The following CCDC39 variants were observed in gnomAD, a reference collection of about 807,000 sequenced individuals.
CCDC39 encodes coiled-coil domain-containing protein 39.
Under a neutral mutation model 121.0 loss-of-function variants are expected in CCDC39, and 113 were observed. The observed-to-expected ratio is 0.93, with a 90% confidence interval of 0.80 to 1.09. The LOEUF (loss-of-function observed/expected upper bound fraction) is 1.09. CCDC39 is among the 50% of genes least tolerant of loss of function. CCDC39 has a pLI of 0.00. For synonymous variants in CCDC39, 349 were observed against 352.2 expected (o/e 0.99, Z 0.10); for missense variants, 1,063 against 1,074.7 (o/e 0.99, Z 0.15).
intron 14 of CCDC39, among the ~76,000 whole-genome samples, chr3:180,621,179 C>T (rs548963042): frequency 5.3e-5 from 8 of 152,124 alleles, no homozygotes; most frequent in Non-Finnish European, 4.4e-5. Flanking sequence ...ATGGACACTT[C>T]GGTTGAATCC....
chr3:180,625,467 T>C (rs544627993), intron 14 of CCDC39, among the ~76,000 whole-genome samples: 9 of 152,184 alleles, frequency 5.9e-5, no homozygotes, highest in African/African-American at 2.2e-4. Flanking sequence ...CTTCTATCAA[T>C]ATTTTGAATT....
chr3:180,620,044 G>A (rs904974192), intron 14 of CCDC39, 74 bp from the exon 15 acceptor site: 1 of 1,192,088 alleles, frequency 8.4e-7, no homozygotes, highest in Admixed American at 2.6e-5. Context: ...GCTGTCTTTG[G>A]AGCAGAAAAT....
intron 9 of CCDC39, among the ~76,000 whole-genome samples, chr3:180,649,653 A>G (rs991042059): frequency 5.9e-5 from 9 of 152,154 alleles, no homozygotes; most frequent in African/African-American, 1.7e-4. Flanking sequence ...GGATTTTTTC[A>G]AACAAACAAA....
chr3:180,679,191 G>A lies in CCDC39; in HGVS notation c.90+100C>T, dbSNP rs548086341. 2,406 of 880,192 alleles carry A rather than the reference G, an allele frequency of 2.7e-3. 11 individuals are homozygous for A. Among genetic ancestry groups the A allele is most frequent in the Middle Eastern group, 0.014 (55 of 3,992 alleles). 54.5% of individuals were successfully genotyped at this position (880,192 alleles called of 1,614,324 possible). ...GAGTGTTAGAGGAAGCACAGGATTAGGAAAGGAGAGAAATAAAAGGGCTGG... is the reference window on the plus strand; with the variant it reads ...GAGTGTTAGAGGAAGCACAGGATTAAGAAAGGAGAGAAATAAAAGGGCTGG... On this transcript the variant is annotated intron_variant, in intron 1 of 19. Transcript: ENST00000476379. The surrounding 1 kb of genome is among the most constrained non-coding windows in gnomAD (Gnocchi z 4.0).
At chr3:180,636,846 A>G (rs1717841065) in intron 13 of CCDC39, among the ~76,000 whole-genome samples, 1 of 152,184 alleles carries the variant, frequency 6.6e-6, no homozygotes, top group Non-Finnish European at 1.5e-5. Flanking sequence ...TCGCTATTCA[A>G]TACATGGTGC....
At chr3:180,677,164 AATTTTAT>A (rs1560097167) in intron 1 of CCDC39, among the ~76,000 whole-genome samples, 2 of 86,474 alleles carry the variant, frequency 2.3e-5, no homozygotes, top group African/African-American at 1.1e-4. Flanking sequence ...TAATAATAAT[AATTTTAT>A]ATATATATAT....
chr3:180,676,257 C>T (rs1449701091), intron 1 of CCDC39, among the ~76,000 whole-genome samples: 3 of 152,106 alleles, frequency 2.0e-5, no homozygotes, highest in Non-Finnish European at 4.4e-5. Context: ...TGACAAAGGG[C>T]TAATATCCAG....
intron 13 of CCDC39, among the ~76,000 whole-genome samples, chr3:180,639,213 AAAAAT>A (rs1332573037): frequency 6.6e-6 from 1 of 152,188 alleles, no homozygotes; most frequent in Non-Finnish European, 1.5e-5. Flanking sequence ...AAGTGATTAG[AAAAAT>A]AAAAGAATTA....
chr3:180,618,221 T>A (rs192541317), intron 16 of CCDC39, among the ~76,000 whole-genome samples: 6 of 152,304 alleles, frequency 3.9e-5, no homozygotes, highest in Admixed American at 3.3e-4. Flanking sequence ...TTCCCATTGT[T>A]ATCCAATGCA....
rs1711720433 is a variant in CCDC39 at position 180,660,650 on chromosome 3, A to G, written c.436T>C (p.Trp146Arg). ...TCTTTATGAGCTGATTCTTCTAACC[A>G]GGCCTCCAATGCTTGCTGGTCCCAG... ...MNWDQQALEA[W>R]LEESAHKDSD... Residue 146 changes from tryptophan (W) to arginine (R), a missense_variant, in exon 4 of 20, where the codon TGG becomes CGG. Trp to Arg is a moderately radical substitution (Grantham distance 101). Transcript: ENST00000476379. 6.2e-7 allele frequency: 1 copy of G among 1,603,396 alleles called. No individual in the cohort carries two copies. Among genetic ancestry groups the G allele is most frequent in the Non-Finnish European group, 8.5e-7 (1 of 1,174,164 alleles).
Position 180,657,496 on chromosome 3 carries a change from T to A in CCDC39, c.738+1956A>T, listed in dbSNP as rs116957997. 6.5e-4 allele frequency among the ~76,000 whole-genome samples: 99 copies of A among 152,312 alleles called. 1 individual carries two copies. In the East Asian group the frequency reaches 0.019, roughly 29 times the overall value. ...ATGACTTGAGAAAAGAATTTTTATC[T>A]GAGAATTTTACATTATCAAGCCCAG... is the stretch of plus-strand genomic sequence containing the variant. On this transcript the variant is annotated intron_variant, in intron 6 of 19. Coordinates refer to ENST00000476379, the MANE Select transcript of CCDC39 (RefSeq NM_181426.2).
chr3:180,670,487 G>A (rs1482098291), intron 1 of CCDC39, among the ~76,000 whole-genome samples: 1 of 152,070 alleles, frequency 6.6e-6, no homozygotes, highest in Non-Finnish European at 1.5e-5. Flanking sequence ...AAAAGATTTG[G>A]TTAAACCAAT....
intron 1 of CCDC39, among the ~76,000 whole-genome samples, chr3:180,670,218 T>TA (rs200104420): frequency 8.7e-5 from 13 of 149,688 alleles, no homozygotes; most frequent in Middle Eastern, 3.4e-3. Context: ...CACTGCCTTG[T>TA]AAAAAAAAAA....
chr3:180,630,331 A>T (rs1297694729), intron 14 of CCDC39, among the ~76,000 whole-genome samples: 1 of 152,180 alleles, frequency 6.6e-6, no homozygotes, highest in South Asian at 2.1e-4. Flanking sequence ...CTGACAAGTT[A>T]TAAGAAAGTT....
chr3:180,622,955 CCCT>C lies in CCDC39; in HGVS notation c.1999-2988_1999-2986del, dbSNP rs547214247. 9.3e-4 allele frequency among the ~76,000 whole-genome samples: 141 copies of C among 151,978 alleles called. 1 individual carries two copies. Among genetic ancestry groups the C allele is most frequent in the African/African-American group, 3.2e-3 (131 of 41,452 alleles). The stretch of plus-strand genomic sequence containing the variant: ...CTTATAGAATGAGTTAGGGAGCATT[CCCT>C]CCTCCTCAATATTTTGGAACAGTTT... On this transcript the variant is annotated intron_variant, in intron 14 of 19. Transcript: ENST00000476379.
chr3:180,664,317 A>G lies in CCDC39; in HGVS notation c.91-331T>C, dbSNP rs78001686. On this transcript the variant is annotated intron_variant, in intron 1 of 19. Transcript: ENST00000476379. ...ATCATCTCCCTCTTGTCTTTTCTTAAAAGAGCACCAACACCATTCATGAGG... is the reference window on the plus strand; with the variant it reads ...ATCATCTCCCTCTTGTCTTTTCTTAGAAGAGCACCAACACCATTCATGAGG... 0.039 allele frequency among the ~76,000 whole-genome samples: 5,888 copies of G among 152,152 alleles called. 392 individuals carry two copies. The highest frequency in any genetic ancestry group is 0.14 in the African/African-American group (5,612 of 41,482).
At chr3:180,674,915 A>C (rs906403245) in intron 1 of CCDC39, among the ~76,000 whole-genome samples, 14 of 152,204 alleles carry the variant, frequency 9.2e-5, no homozygotes, top group African/African-American at 3.1e-4. Context: ...ATCGATGTTC[A>C]TCAGGGATAT....
rs1295519400 is a variant in CCDC39 at position 180,651,506 on chromosome 3, C to A, written c.1062G>T (p.Glu354Asp). 5 of 1,531,674 alleles carry A rather than the reference C, an allele frequency of 3.3e-6. No individual in the cohort carries two copies. In the South Asian group the frequency reaches 5.1e-5, roughly 16 times the overall value. 94.9% of individuals were successfully genotyped at this position (1,531,674 alleles called of 1,614,324 possible). The change falls in exon 9 of 20, where the codon GAG (glutamate) becomes GAT (aspartate). Residue 354 changes from glutamate (E) to aspartate (D), a missense_variant. Glu to Asp is a conservative substitution (Grantham distance 45, BLOSUM62 2). Transcript: ENST00000476379. Reference protein sequence around the residue: ...ARLQKTKNHNEIIQTKLKEIT... With the variant: ...ARLQKTKNHNDIIQTKLKEIT... ...TCTCCTTTAATTTTGTTTGTATTATCTCATTATGATTTTTAGTTTTTTGTA... is the reference window on the plus strand; with the variant it reads ...TCTCCTTTAATTTTGTTTGTATTATATCATTATGATTTTTAGTTTTTTGTA...
chr3:180,650,598 T>C (rs1718177183), intron 9 of CCDC39, among the ~76,000 whole-genome samples: 1 of 152,186 alleles, frequency 6.6e-6, no homozygotes, highest in Admixed American at 6.5e-5. Context: ...GGCTCACACC[T>C]GTAATCCCAA....
Sources: gnomAD v4.1 joint callset for allele counts (sites outside exome capture counted in the v4.1 genomes callset) on GRCh38, gnomAD v4.1.1 for gene constraint, Gnocchi (gnomAD v3.1) non-coding constraint, MANE v1.5 for transcripts, NCBI Gene and HGNC (gene_info 2026-07-23, HGNC 2026-07-21) for gene names.